The following CABIN1 variants were observed in gnomAD, a reference collection of about 807,000 sequenced individuals.
The protein encoded by CABIN1 is calcineurin-binding protein cabin-1.
A neutral mutation model predicts 227.7 loss-of-function variants in CABIN1; 133 were observed. The ratio of observed to expected loss-of-function variants is 0.58; its 90% CI spans 0.51 to 0.67. The LOEUF is 0.67. CABIN1 is among the 30% of genes least tolerant of loss of function. The pLI is 0.00. For synonymous variants in CABIN1, 1,086 were observed against 1,155.1 expected, an observed-to-expected ratio of 0.94 and a Z score of 1.21; for missense variants, 2,408 against 2,852.5, an observed-to-expected ratio of 0.84 and a Z score of 3.55.
intron 29 of CABIN1, among the ~76,000 whole-genome samples, chr22:24,148,170 C>T (rs143305572): frequency 3.6e-3 from 555 of 152,272 alleles, no homozygotes; most frequent in Non-Finnish European, 5.0e-3. Flanking sequence ...TGGGTGCTCA[C>T]TCCACATGGG....
chr22:24,047,632 G>T (rs5996664), intron 6 of CABIN1, among the ~76,000 whole-genome samples: 1 of 152,236 alleles, frequency 6.6e-6, no homozygotes, highest in Non-Finnish European at 1.5e-5. Flanking sequence ...ACCTTGGGGC[G>T]TGTGGCCCTG....
chr22:24,061,364 G>T (rs957158849), intron 12 of CABIN1, among the ~76,000 whole-genome samples: 1 of 152,234 alleles, frequency 6.6e-6, no homozygotes, highest in Admixed American at 6.5e-5. Flanking sequence ...AGCACAGGAG[G>T]TAGAAGAGCT....
chr22:24,098,318 A>G, intron 26 of CABIN1, 126 bp downstream of exon 26: 2 of 1,560,602 alleles, frequency 1.3e-6, no homozygotes, highest in Middle Eastern at 2.3e-4. Context: ...TGACACGGGC[A>G]ATGTTGCGGC....
chr22:24,062,088 G>C, intron 13 of CABIN1, 63 bp downstream of exon 13: 3 of 1,340,004 alleles, frequency 2.2e-6, no homozygotes, highest in Non-Finnish European at 3.2e-6. Flanking sequence ...CTGGGAGAAA[G>C]CTGAGGCGGG....
chr22:24,066,912 A>G, intron 15 of CABIN1, 75 bp from the exon 16 acceptor site: 3 of 1,452,984 alleles, frequency 2.1e-6, no homozygotes, highest in Non-Finnish European at 2.9e-6. Context: ...TCTGATAAAA[A>G]CAAACACTGG....
intron 1 of CABIN1, 36 bp from the exon 2 acceptor site, chr22:24,035,408 T>C (rs1466574050): frequency 2.8e-6 from 4 of 1,449,488 alleles, no homozygotes; most frequent in Admixed American, 3.3e-5. Flanking sequence ...TGGCTCTTCA[T>C]AGGCCTTGTC....
chr22:24,153,713 G>T (rs2045622347), intron 29 of CABIN1, among the ~76,000 whole-genome samples: 1 of 152,142 alleles, frequency 6.6e-6, no homozygotes, highest in Non-Finnish European at 1.5e-5. Context: ...GGCACAGAGT[G>T]CAGGACATCG....
chr22:24,099,156 G>A (rs1023076374), intron 26 of CABIN1, among the ~76,000 whole-genome samples: 6 of 152,290 alleles, frequency 3.9e-5, no homozygotes, highest in East Asian at 3.9e-4. Flanking sequence ...CACCACCTTC[G>A]CTCTAGTGCC....
chr22:24,025,336 G>C (rs771941148), intron 1 of CABIN1, among the ~76,000 whole-genome samples: 39 of 152,138 alleles, frequency 2.6e-4, no homozygotes, highest in Non-Finnish European at 4.9e-4. Context: ...GATTCAAAAG[G>C]GGGGAAAAGG....
At chr22:24,078,302 A>G (rs1377665165) in intron 19 of CABIN1, among the ~76,000 whole-genome samples, 1 of 152,084 alleles carries the variant, frequency 6.6e-6, no homozygotes, top group African/African-American at 2.4e-5. Flanking sequence ...GCCCAGTTGT[A>G]TTTCTTGAAT....
At position 24,063,223 on chromosome 22, in the gene CABIN1, G is replaced by A. The variant is rs556965509; in HGVS notation, c.1884+77G>A. 257 of 1,431,024 alleles carry A rather than the reference G, an allele frequency of 1.8e-4. 1 individual carries two copies. In the African/African-American group the frequency reaches 3.5e-3, roughly 19 times the overall value. The allele number at this position is 1,431,024 out of a possible 1,614,324, so 88.6% of individuals were successfully genotyped here. ...TGGGCAGAAAATTGACCATGTTGAG[G>A]GTGTGTGTGTGTATGTGTGTGTGTG... On this transcript the variant is annotated intron_variant, in intron 14 of 36. Coordinates refer to ENST00000263119, the MANE Select transcript of CABIN1 (RefSeq NM_012295.4).
intron 24 of CABIN1, among the ~76,000 whole-genome samples, chr22:24,094,989 G>T (rs1307222047): frequency 6.6e-6 from 1 of 152,154 alleles, no homozygotes; most frequent in Non-Finnish European, 1.5e-5. Context: ...CCCAAGTTTG[G>T]CCACCTGATT....
At chr22:24,100,399 C>T (rs1339491871) in intron 26 of CABIN1, among the ~76,000 whole-genome samples, 2 of 152,240 alleles carry the variant, frequency 1.3e-5, no homozygotes, top group Non-Finnish European at 2.9e-5. Flanking sequence ...TATACTAGTT[C>T]CTAGGGGAAG....
At chr22:24,139,013 C>G (rs1230760664) in intron 29 of CABIN1, among the ~76,000 whole-genome samples, 1 of 152,128 alleles carries the variant, frequency 6.6e-6, no homozygotes, top group South Asian at 2.1e-4. Context: ...GAGAGATTCT[C>G]TTTACAGTAA....
intron 1 of CABIN1, among the ~76,000 whole-genome samples, chr22:24,032,610 A>G (rs1395591631): frequency 6.6e-6 from 1 of 152,260 alleles, no homozygotes; most frequent in African/African-American, 2.4e-5. Context: ...CCAGGAATGT[A>G]CAAAGACTCC....
chr22:24,052,102 C>T (rs555782753), intron 8 of CABIN1, among the ~76,000 whole-genome samples: 75 of 152,250 alleles, frequency 4.9e-4, no homozygotes, highest in African/African-American at 1.8e-3. Context: ...CCTGGGGTGC[C>T]TCCCTGTTAC....
At chr22:24,117,547 G>A (rs989238071) in intron 27 of CABIN1, among the ~76,000 whole-genome samples, 3 of 85,706 alleles carry the variant, frequency 3.5e-5, no homozygotes, top group South Asian at 3.7e-4. Flanking sequence ...TGTTTTTTTG[G>A]GGGGGGGGTT....
rs746260231 is a variant in CABIN1, at chr22:24,134,415, C to T, written c.4746C>T (p.Asn1582=). ...FCERNKTNFF[N]GIWRIPVDEI... is the part of the protein sequence containing the mutation. ...AGAGGAACAAGACCAATTTCTTCAA[C>T]GTGAGTACTTTGCCTTGTTGATTTC... Residue 1582 remains asparagine, a splice_region_variant and synonymous_variant, in exon 29 of 37, where the codon AAC becomes AAT. Coordinates refer to ENST00000263119, the MANE Select transcript of CABIN1 (RefSeq NM_012295.4). 1.6e-5 allele frequency: 26 copies of T among 1,610,150 alleles called. No individual in the cohort carries two copies. Among genetic ancestry groups the T allele is most frequent in the African/African-American group, 9.4e-5 (7 of 74,864 alleles).
intron 31 of CABIN1, 47 bp from the exon 32 acceptor site, chr22:24,166,592 A>G: frequency 6.2e-7 from 1 of 1,610,922 alleles, no homozygotes; most frequent in South Asian, 1.1e-5. Context: ...GACTCATTGC[A>G]GTGGAGACAC....
Sources: gnomAD v4.1 joint callset for allele counts (sites outside exome capture counted in the v4.1 genomes callset) on GRCh38, gnomAD v4.1.1 for gene constraint, MANE v1.5 for transcripts, NCBI Gene and HGNC (gene_info 2026-07-23, HGNC 2026-07-21) for gene names.